GSG1L: variants seen among roughly 807,000 people sequenced by gnomAD.
GSG1L encodes the protein GSG1 like.
Under a neutral mutation model 42.1 loss-of-function variants are expected in GSG1L, and 24 were observed. That is an observed-to-expected ratio of 0.57 (90% CI 0.41 to 0.80). The LOEUF (loss-of-function observed/expected upper bound fraction) is 0.80. Ranked by LOEUF, GSG1L falls within the 30% of genes least tolerant of loss-of-function variation. The pLI, the probability that GSG1L is intolerant of heterozygous loss-of-function variation, is 0.00. For missense variants in GSG1L, 445 were observed against 472.2 expected (o/e 0.94, Z 0.53); for synonymous variants, 215 against 203.5 (o/e 1.06, Z -0.48).
At chr16:28,027,156 ACTCTCCATCCTCTT>A (rs1215310635) in intron 1 of GSG1L, among the ~76,000 whole-genome samples, 1 of 152,050 alleles carries the variant, frequency 6.6e-6, no homozygotes. Context: ...GTCATTTTTC[ACTCTCCATCCTCTT>A]CTCTCCCCTA....
At chr16:27,944,923 C>T (rs1219046092) in intron 2 of GSG1L, among the ~76,000 whole-genome samples, 1 of 151,094 alleles carries the variant, frequency 6.6e-6, no homozygotes, top group Non-Finnish European at 1.5e-5. Flanking sequence ...AAAAATAAAA[C>T]AAAATTAGAC....
chr16:27,791,379 G>A lies in GSG1L; in HGVS notation c.987C>T (p.His329=). 7.0e-7 allele frequency: 1 copy of A among 1,436,964 alleles called. No individual in the cohort carries two copies. Among genetic ancestry groups the A allele is most frequent in the Admixed American group, 2.5e-5 (1 of 39,734 alleles). 89.0% of individuals were successfully genotyped at this position (1,436,964 alleles called of 1,614,324 possible). A position where few individuals can be genotyped will look rare whatever the true frequency, so the allele number is the denominator to read the frequency against. The change falls in exon 7 of 7, where the codon CAC becomes CAT. Residue 329 remains histidine (H), a synonymous_variant. Transcript: ENST00000447459. ...ELNRQCWVLG[H]WV ...CAGGTTGAGGTCTTGGTCACACCCA[G>A]TGCCCCAAGACCCAGCACTGTCGGT...
chr16:27,841,126 C>T (rs530339027), intron 4 of GSG1L, among the ~76,000 whole-genome samples: 2 of 152,194 alleles, frequency 1.3e-5, no homozygotes, highest in Admixed American at 6.5e-5. Context: ...ATTCAAGAGA[C>T]CCCCATGAGG....
chr16:28,006,067 G>A (rs1395650669), intron 1 of GSG1L, among the ~76,000 whole-genome samples: 2 of 152,142 alleles, frequency 1.3e-5, no homozygotes, highest in Non-Finnish European at 2.9e-5. Context: ...TCAGCCCGCT[G>A]TTGCTGGCTC....
chr16:28,045,393 T>A (rs2086149656), intron 1 of GSG1L, among the ~76,000 whole-genome samples: 1 of 152,074 alleles, frequency 6.6e-6, no homozygotes, highest in Non-Finnish European at 1.5e-5. Flanking sequence ...AAAAGTGTAT[T>A]GGCCAGAAGC....
rs972267263 is a variant in GSG1L, at chr16:27,932,534, C to T, written c.397+30622G>A. Reference sequence around the variant, plus strand: ...AGAAAGGTAGGAGATGCCACACAACCGGATCTCACTAGAACTCACTATCGC... The same window carrying T: ...AGAAAGGTAGGAGATGCCACACAACTGGATCTCACTAGAACTCACTATCGC... On this transcript the variant is annotated intron_variant, in intron 2 of 6. Coordinates refer to ENST00000447459, the MANE Select transcript of GSG1L (RefSeq NM_001109763.2). Among the ~76,000 whole-genome samples the T allele has an allele frequency of 2.0e-5, 3 of 152,108 alleles. No individual in the cohort carries two copies. In the South Asian group the frequency reaches 6.2e-4, roughly 32 times the overall value.
chr16:27,859,774 C>T lies in GSG1L; in HGVS notation c.551-14713G>A, dbSNP rs559877821. On this transcript the variant is annotated intron_variant, in intron 3 of 6. Transcript: ENST00000447459. ...CACTGCAGCCTCAAACTCCTGGGCT[C>T]AAGTGATCCTCCCATCTCAGCTTCC... Among the ~76,000 whole-genome samples, 24 of 152,324 alleles carry T rather than the reference C, an allele frequency of 1.6e-4. No individual in the cohort carries two copies. In the South Asian group the frequency reaches 4.6e-3, roughly 29 times the overall value.
rs77727066 is a variant in GSG1L at position 27,831,012 on chromosome 16, C to G, written c.663-2056G>C. On this transcript the variant is annotated intron_variant, in intron 4 of 6. Transcript: ENST00000447459. Reference sequence around the variant, plus strand: ...CCCCAACATCCATGTGAGCACATGACCTCGGCTTGGCTAATGAAAATGCTG... The same window carrying G: ...CCCCAACATCCATGTGAGCACATGAGCTCGGCTTGGCTAATGAAAATGCTG... 8.8e-3 allele frequency among the ~76,000 whole-genome samples: 1,345 copies of G among 152,382 alleles called. 16 individuals carry two copies. The highest frequency in any genetic ancestry group is 0.03 in the Admixed American group (464 of 15,302).
chr16:28,032,876 C>G (rs1341722443), intron 1 of GSG1L, among the ~76,000 whole-genome samples: 5 of 152,100 alleles, frequency 3.3e-5, no homozygotes, highest in Admixed American at 3.3e-4. Context: ...TCTCACCTGG[C>G]CCCCCACCTG....
chr16:27,962,296 G>C (rs994550652), intron 2 of GSG1L, among the ~76,000 whole-genome samples: 12 of 152,198 alleles, frequency 7.9e-5, no homozygotes, highest in Admixed American at 7.9e-4. Context: ...ACTAGTTCTG[G>C]TCAAGGAGAT....
intron 1 of GSG1L, among the ~76,000 whole-genome samples, chr16:28,054,695 A>G (rs183057402): frequency 6.6e-6 from 1 of 151,956 alleles, no homozygotes; most frequent in Non-Finnish European, 1.5e-5. Flanking sequence ...CATAAAAAGA[A>G]AAACAACTGG....
chr16:27,813,880 A>G (rs1474716600), intron 5 of GSG1L, among the ~76,000 whole-genome samples: 2 of 152,194 alleles, frequency 1.3e-5, no homozygotes, highest in Non-Finnish European at 2.9e-5. Flanking sequence ...AACAGGCAGC[A>G]TGACCCTGTG....
rs59207468 is a variant in GSG1L at position 27,797,821 on chromosome 16, CAAAA to C, written c.899-6358_899-6355del. On this transcript the variant is annotated intron_variant, in intron 6 of 6. Transcript: ENST00000447459. ...TGGGTGACAGAGAGAGACTCCATCT[CAAAA>C]AAAAAAAAAAAAAAAAAAGAGAGAG... 7.3e-3 allele frequency among the ~76,000 whole-genome samples: 560 copies of C among 77,144 alleles called. 3 individuals are homozygous for C. Among genetic ancestry groups the C allele is most frequent in the African/African-American group, 0.024 (459 of 19,344 alleles). The allele number at this position is 77,144 out of a possible 152,430, so 50.6% of individuals were successfully genotyped here.
At chr16:28,054,038 G>T (rs1297290569) in intron 1 of GSG1L, among the ~76,000 whole-genome samples, 3 of 151,962 alleles carry the variant, frequency 2.0e-5, no homozygotes, top group Non-Finnish European at 4.4e-5. Flanking sequence ...ATCCTTCTCA[G>T]ATTCTGTGTG....
At chr16:28,030,962 A>ATGGGATGGGT in intron 1 of GSG1L, among the ~76,000 whole-genome samples, 3 of 114,018 alleles carry the variant, frequency 2.6e-5, no homozygotes, top group Non-Finnish European at 5.2e-5. Flanking sequence ...TTAAGATGGG[A>ATGGGATGGGT]TGGGATGGGT....
At chr16:27,925,725 A>T (rs893298653) in intron 2 of GSG1L, among the ~76,000 whole-genome samples, 1 of 152,196 alleles carries the variant, frequency 6.6e-6, no homozygotes, top group Non-Finnish European at 1.5e-5. Flanking sequence ...CGGAACCAGT[A>T]GGTGCCTTCA....
chr16:27,981,231 ATTCCAC>A (rs2085323322), intron 1 of GSG1L, among the ~76,000 whole-genome samples: 1 of 152,216 alleles, frequency 6.6e-6, no homozygotes, highest in African/African-American at 2.4e-5. Flanking sequence ...CGAGACCCAG[ATTCCAC>A]AAGCAGCAAA....
chr16:27,969,133 A>G (rs897122210), intron 1 of GSG1L, among the ~76,000 whole-genome samples: 53 of 152,226 alleles, frequency 3.5e-4, no homozygotes, highest in African/African-American at 1.3e-3. Flanking sequence ...ATATAAATAA[A>G]TAAATAAAAT....
intron 1 of GSG1L, among the ~76,000 whole-genome samples, chr16:28,050,497 T>C (rs1350157370): frequency 6.6e-6 from 1 of 152,192 alleles, no homozygotes; most frequent in East Asian, 1.9e-4. Context: ...AGGGCTGGAA[T>C]TGGAGGCATG....
Sources: allele counts gnomAD v4.1 joint callset (sites outside exome capture counted in the v4.1 genomes callset), GRCh38; gene constraint gnomAD v4.1.1; transcripts MANE v1.5; gene names NCBI Gene and HGNC (gene_info 2026-07-23, HGNC 2026-07-21).